SLC71A2: variants seen among roughly 807,000 people sequenced by gnomAD.
SLC71A2 encodes solute carrier family 71 member 2, also known as hippocampus abundant transcript-like 1.
At chr9:94,384,261 C>G in the SLC71A2 span, among the ~76,000 whole-genome samples, 2 of 150,824 alleles carry the variant, frequency 1.3e-5, no homozygotes, top group South Asian at 4.2e-4. Flanking sequence ...TCATCCTTAT[C>G]TTTTTGTGAT....
chr9:94,401,316 C>T, the SLC71A2 span, among the ~76,000 whole-genome samples: 1 of 152,058 alleles, frequency 6.6e-6, no homozygotes, highest in Non-Finnish European at 1.5e-5. Context: ...GGATTACAGG[C>T]GTCCGCCACC....
chr9:94,424,437 G>A, the SLC71A2 span, among the ~76,000 whole-genome samples: 1 of 151,930 alleles, frequency 6.6e-6, no homozygotes, highest in African/African-American at 2.4e-5. Context: ...GTTTCACCAT[G>A]TTGGCCAGGC....
the SLC71A2 span, among the ~76,000 whole-genome samples, chr9:94,429,906 T>TTTA: frequency 7.1e-6 from 1 of 140,870 alleles, no homozygotes; most frequent in African/African-American, 2.8e-5. Flanking sequence ...CATTCTTTAT[T>TTTA]TTATTTTTTT....
the SLC71A2 span, among the ~76,000 whole-genome samples, chr9:94,448,524 CCT>C: frequency 6.6e-6 from 1 of 152,166 alleles, no homozygotes; most frequent in Non-Finnish European, 1.5e-5. Flanking sequence ...AAGATAAATT[CCT>C]CTTTTTCTGG....
the SLC71A2 span, among the ~76,000 whole-genome samples, chr9:94,403,193 A>G: frequency 4.0e-5 from 6 of 151,808 alleles, no homozygotes; most frequent in African/African-American, 1.5e-4. Flanking sequence ...CTGGAGTGCA[A>G]TGGCGCGATC....
chr9:94,457,269 C>A, the SLC71A2 span, among the ~76,000 whole-genome samples: 1 of 152,090 alleles, frequency 6.6e-6, no homozygotes, highest in Non-Finnish European at 1.5e-5. Flanking sequence ...GACTGCTTTC[C>A]TTTCAAGCAG....
the SLC71A2 span, among the ~76,000 whole-genome samples, chr9:94,443,695 G>T: frequency 1.3e-5 from 2 of 152,204 alleles, no homozygotes; most frequent in African/African-American, 4.8e-5. Flanking sequence ...AGAGTTTCAT[G>T]AGGCCATAGA....
At chr9:94,456,488 C>T in the SLC71A2 span, 4 of 607,774 alleles carry the variant, frequency 6.6e-6, 1 homozygote, top group South Asian at 6.0e-5. Flanking sequence ...CAGATAGGAA[C>T]ATTCTATTTT....
chr9:94,442,857 T>C, the SLC71A2 span, among the ~76,000 whole-genome samples: 1 of 147,712 alleles, frequency 6.8e-6, no homozygotes, highest in Non-Finnish European at 1.5e-5. Flanking sequence ...AAAAAAAAAA[T>C]GTCCCCCAAA....
chr9:94,415,664 CATT>C, the SLC71A2 span, among the ~76,000 whole-genome samples: 1 of 151,974 alleles, frequency 6.6e-6, no homozygotes, highest in Non-Finnish European at 1.5e-5. Context: ...GACCATCAGG[CATT>C]ATTAGTTAGA....
the SLC71A2 span, among the ~76,000 whole-genome samples, chr9:94,385,438 G>A: frequency 2.0e-5 from 3 of 152,116 alleles, no homozygotes; most frequent in Non-Finnish European, 4.4e-5. Context: ...CTCTTTTCTA[G>A]TGTTTTTAGC....
chr9:94,414,467 A>G, the SLC71A2 span, among the ~76,000 whole-genome samples: 1 of 152,208 alleles, frequency 6.6e-6, no homozygotes, highest in Non-Finnish European at 1.5e-5. Context: ...GCCTTTGAGC[A>G]TGTGATACCC....
chr9:94,452,023 C>T, the SLC71A2 span, among the ~76,000 whole-genome samples: 1 of 152,178 alleles, frequency 6.6e-6, no homozygotes, highest in Non-Finnish European at 1.5e-5. Context: ...AGTGTTTTCT[C>T]AGAAAAGATG....
the SLC71A2 span, among the ~76,000 whole-genome samples, chr9:94,430,782 T>C: frequency 6.6e-6 from 1 of 152,188 alleles, no homozygotes; most frequent in Non-Finnish European, 1.5e-5. Context: ...CATTGAAAAA[T>C]CAATCATATT....
chr9:94,411,442 G>A, the SLC71A2 span, among the ~76,000 whole-genome samples: 1 of 151,558 alleles, frequency 6.6e-6, no homozygotes, highest in South Asian at 2.1e-4. Context: ...GGTTTCAGGT[G>A]TTATCAGTTT....
At chr9:94,443,014 C>T in the SLC71A2 span, among the ~76,000 whole-genome samples, 1 of 152,140 alleles carries the variant, frequency 6.6e-6, no homozygotes, top group Non-Finnish European at 1.5e-5. Context: ...ATGGGAAATA[C>T]CTGTTGAGAT....
At chr9:94,404,844 GAA>G in the SLC71A2 span, among the ~76,000 whole-genome samples, 2 of 152,234 alleles carry the variant, frequency 1.3e-5, no homozygotes, top group African/African-American at 2.4e-5. Flanking sequence ...TCATTTTGAT[GAA>G]GTTTGATTTT....
the SLC71A2 span, among the ~76,000 whole-genome samples, chr9:94,429,604 T>C: frequency 6.6e-6 from 1 of 152,206 alleles, no homozygotes; most frequent in East Asian, 1.9e-4. Flanking sequence ...TAAAAAGAAG[T>C]ATATCTGAGG....
chr9:94,404,476 A>G, the SLC71A2 span, among the ~76,000 whole-genome samples: 2 of 151,822 alleles, frequency 1.3e-5, no homozygotes, highest in Non-Finnish European at 2.9e-5. Context: ...TTGTATTTTT[A>G]CTAGAGACAG....
Sources: allele counts gnomAD v4.1 joint callset (sites outside exome capture counted in the v4.1 genomes callset), GRCh38; gene constraint gnomAD v4.1.1; transcripts MANE v1.5; gene names NCBI Gene and HGNC (gene_info 2026-07-23, HGNC 2026-07-21).